PSMA1: variants seen among roughly 807,000 people sequenced by gnomAD.
The protein encoded by PSMA1 is proteasome 20S subunit alpha 1.
A neutral mutation model predicts 38.4 loss-of-function variants in PSMA1; 3 were observed. The ratio of observed to expected loss-of-function variants is 0.08; its 90% confidence interval spans 0.04 to 0.20. PSMA1 has a LOEUF of 0.20. Among genes scored for constraint, PSMA1 ranks in the 10% least tolerant of loss-of-function variants. PSMA1 has a pLI of 1.00. For synonymous variants in PSMA1, 101 were observed against 107.1 expected (o/e 0.94, Z 0.35); for missense variants, 227 against 325.3 (o/e 0.70, Z 2.32).
At chr11:14,539,908 TA>T (rs1362544361) in intron 2 of PSMA1, among the ~76,000 whole-genome samples, 1 of 149,680 alleles carries the variant, frequency 6.7e-6, no homozygotes, top group African/African-American at 2.5e-5. Flanking sequence ...AGATAAAGGA[TA>T]AAAAAATCCT....
chr11:14,603,504 C>T (rs1040679984), intron 2 of PSMA1, among the ~76,000 whole-genome samples: 2 of 152,122 alleles, frequency 1.3e-5, no homozygotes, highest in East Asian at 3.9e-4. Flanking sequence ...TTTTATTGCA[C>T]CCGATGAGTC....
At chr11:14,508,570 A>AAAAAAAAAAAAAAAAAAC (rs1250663082) in intron 8 of PSMA1, among the ~76,000 whole-genome samples, 1 of 149,566 alleles carries the variant, frequency 6.7e-6, no homozygotes, top group Non-Finnish European at 1.5e-5. Flanking sequence ...TCAAAAAAAA[A>AAAAAAAAAAAAAAAAAAC]AAAAAAACCC....
intron 2 of PSMA1, among the ~76,000 whole-genome samples, chr11:14,543,081 T>C (rs1321785127): frequency 6.6e-6 from 1 of 152,210 alleles, no homozygotes; most frequent in East Asian, 1.9e-4. Context: ...TCCACCCACC[T>C]TGGCCTCCCA....
At chr11:14,613,489 G>A (rs1221085090) in intron 1 of PSMA1, among the ~76,000 whole-genome samples, 2 of 151,930 alleles carry the variant, frequency 1.3e-5, no homozygotes, top group Non-Finnish European at 2.9e-5. Context: ...TCTGACCTCA[G>A]GTGATCTGCC....
chr11:14,525,669 A>G (rs1327709049), intron 2 of PSMA1, among the ~76,000 whole-genome samples: 1 of 152,094 alleles, frequency 6.6e-6, no homozygotes. Context: ...TTTGTCCTCA[A>G]TACCTTCCTC....
At chr11:14,535,949 C>T (rs541211377) in intron 2 of PSMA1, among the ~76,000 whole-genome samples, 26 of 152,130 alleles carry the variant, frequency 1.7e-4, no homozygotes, top group Non-Finnish European at 3.4e-4. Context: ...AATCATGCTT[C>T]GAGGAGTTGA....
chr11:14,631,417 T>A (rs546139639), intron 1 of PSMA1, among the ~76,000 whole-genome samples: 31 of 152,226 alleles, frequency 2.0e-4, no homozygotes, highest in African/African-American at 7.2e-4. Context: ...CTTCATTTTG[T>A]TATATACCCA....
chr11:14,636,509 T>C (rs559635730), intron 1 of PSMA1, among the ~76,000 whole-genome samples: 5 of 152,180 alleles, frequency 3.3e-5, no homozygotes, highest in Admixed American at 2.0e-4. Flanking sequence ...CTTCTCACAC[T>C]ATATACTCTC....
intron 1 of PSMA1, among the ~76,000 whole-genome samples, chr11:14,627,659 T>C (rs1479671273): frequency 1.3e-5 from 2 of 152,214 alleles, no homozygotes; most frequent in African/African-American, 4.8e-5. Context: ...TTATTATTTC[T>C]ACTGGCAGAT....
intron 2 of PSMA1, among the ~76,000 whole-genome samples, chr11:14,576,278 G>C (rs1244932446): frequency 6.6e-6 from 1 of 152,144 alleles, no homozygotes; most frequent in East Asian, 1.9e-4. Flanking sequence ...AAGCTCTTTA[G>C]TTTAATTAGA....
Position 14,634,165 on chromosome 11 carries a change from A to G in PSMA1, c.-166+9290T>C, listed in dbSNP as rs1853080856. ...CTATTCGGCCATCTTGGCTCCTCTG[A>G]TGGAATAGTTTCATCCCAAAATCAT... is the stretch of plus-strand genomic sequence containing the variant. On this transcript the variant is annotated intron_variant, in intron 1 of 10. Coordinates refer to the PSMA1 transcript ENST00000418988. Among the ~76,000 whole-genome samples the G allele has an allele frequency of 2.6e-5, 4 of 152,028 alleles. No homozygotes were observed. The South Asian group carries it at 8.3e-4, about 32-fold the overall frequency.
rs1414228913 is a variant in PSMA1 at position 14,505,037 on chromosome 11, AG to A, written c.*154del. 5.8e-6 allele frequency: 4 copies of A among 692,740 alleles called. No individual in the cohort carries two copies. The East Asian group carries it at 1.0e-4, about 17-fold the overall frequency. The allele number at this position is 692,740 out of a possible 1,614,324, so 42.9% of individuals were successfully genotyped here. A position where few individuals can be genotyped will look rare whatever the true frequency, so the allele number is the denominator to read the frequency against. ...GTATTCCATTATATAGGTTTCAGTG[AG>A]GTTGCTTGGAAAAAACTCACATCTG... On this transcript the variant is annotated 3_prime_UTR_variant, in exon 10 of 10. Transcript: ENST00000396394.
intron 2 of PSMA1, among the ~76,000 whole-genome samples, chr11:14,584,126 T>G: frequency 6.6e-6 from 1 of 152,182 alleles, no homozygotes; most frequent in East Asian, 1.9e-4. Context: ...TTAATATACC[T>G]TACAACTCCA....
At chr11:14,560,196 A>G (rs974368136) in intron 2 of PSMA1, among the ~76,000 whole-genome samples, 1 of 152,222 alleles carries the variant, frequency 6.6e-6, no homozygotes, top group Non-Finnish European at 1.5e-5. Flanking sequence ...GTGGCAAACC[A>G]CAGCATTCAT....
At chr11:14,532,577 C>G (rs2134160077) in intron 2 of PSMA1, among the ~76,000 whole-genome samples, 1 of 151,154 alleles carries the variant, frequency 6.6e-6, no homozygotes, top group African/African-American at 2.4e-5. Context: ...TGCACTCCAG[C>G]CTGGGTGACA....
chr11:14,569,302 G>T (rs191553982), intron 2 of PSMA1, among the ~76,000 whole-genome samples: 5 of 152,120 alleles, frequency 3.3e-5, no homozygotes, highest in African/African-American at 1.2e-4. Context: ...CATGAGCGAC[G>T]CAGAAGACGG....
intron 2 of PSMA1, among the ~76,000 whole-genome samples, chr11:14,576,929 A>G (rs1228234506): frequency 6.6e-6 from 1 of 152,136 alleles, no homozygotes; most frequent in East Asian, 1.9e-4. Flanking sequence ...ATGTTCTTCC[A>G]TTTCTTTGTG....
intron 2 of PSMA1, among the ~76,000 whole-genome samples, chr11:14,579,367 T>C (rs1042260502): frequency 2.6e-5 from 4 of 152,182 alleles, no homozygotes; most frequent in Non-Finnish European, 5.9e-5. Flanking sequence ...TCATATGGCC[T>C]TTCCTCTTTG....
At chr11:14,581,143 G>T (rs1421697071) in intron 2 of PSMA1, among the ~76,000 whole-genome samples, 1 of 152,160 alleles carries the variant, frequency 6.6e-6, no homozygotes, top group Non-Finnish European at 1.5e-5. Flanking sequence ...ACATATATTG[G>T]CTGGTGAATA....
Sources: allele counts gnomAD v4.1 joint callset (sites outside exome capture counted in the v4.1 genomes callset), GRCh38; gene constraint gnomAD v4.1.1; transcripts MANE v1.5; gene names NCBI Gene and HGNC (gene_info 2026-07-23, HGNC 2026-07-21).